JKAMP: variants seen among roughly 807,000 people sequenced by gnomAD.
JKAMP encodes the protein JNK1/MAPK8-associated membrane protein.
In JKAMP, 20 loss-of-function variants were observed where a neutral mutation model predicts 40.2. That is an observed-to-expected ratio of 0.50 (90% confidence interval 0.35 to 0.72). The LOEUF (loss-of-function observed/expected upper bound fraction) is 0.72, where lower values mean the gene tolerates loss of function less well. Ranked by LOEUF, JKAMP falls within the 30% of genes least tolerant of loss-of-function variation. JKAMP has a pLI of 0.01. For missense variants in JKAMP, 276 were observed against 373.0 expected, an observed-to-expected ratio of 0.74 and a Z score of 2.14; for synonymous variants, 138 against 131.6, an observed-to-expected ratio of 1.05 and a Z score of -0.33.
intron 5 of JKAMP, among the ~76,000 whole-genome samples, chr14:59,500,259 A>G (rs530885160): frequency 1.3e-5 from 2 of 152,340 alleles, no homozygotes; most frequent in South Asian, 2.1e-4. Context: ...TCAGGCCTGT[A>G]TAGATAATTC....
At position 59,496,395 on chromosome 14, in the gene JKAMP, C is replaced by T. The variant is rs74446132; in HGVS notation, c.458+1171C>T. On this transcript the variant is annotated intron_variant, in intron 4 of 6. Transcript: ENST00000616435. ...TCTCCTAAGGCCTTGCATAACTTAA[C>T]GTGGTCCTATTTGGAAAACTTAATA... Among the ~76,000 whole-genome samples, 595 of 151,760 alleles carry T rather than the reference C, an allele frequency of 3.9e-3. 3 individuals carry two copies. The highest frequency in any genetic ancestry group is 0.013 in the African/African-American group (556 of 41,432).
At chr14:59,499,903 T>G (rs191096369) in intron 5 of JKAMP, among the ~76,000 whole-genome samples, 2 of 152,334 alleles carry the variant, frequency 1.3e-5, no homozygotes, top group Admixed American at 1.3e-4. Context: ...CCCTTATACC[T>G]TCCTGGCTAC....
intron 6 of JKAMP, among the ~76,000 whole-genome samples, chr14:59,502,763 T>G (rs1190998279): frequency 7.5e-6 from 1 of 134,166 alleles, no homozygotes; most frequent in African/African-American, 2.8e-5. Context: ...TTTTTTTTTT[T>G]TTTTTTTTTT....
At chr14:59,488,236 T>C (rs944282036) in intron 3 of JKAMP, among the ~76,000 whole-genome samples, 1 of 152,032 alleles carries the variant, frequency 6.6e-6, no homozygotes. Flanking sequence ...TATTAACATA[T>C]TAAATCAGCA....
intron 3 of JKAMP, among the ~76,000 whole-genome samples, chr14:59,491,651 C>A (rs1271899841): frequency 6.6e-6 from 1 of 152,216 alleles, no homozygotes; most frequent in Non-Finnish European, 1.5e-5. Context: ...CATGAAATAA[C>A]TAAAGTCTGG....
intron 6 of JKAMP, among the ~76,000 whole-genome samples, chr14:59,502,763 T>TTGTTTTGTTTTG (rs1566584009): frequency 3.0e-5 from 4 of 134,120 alleles, no homozygotes; most frequent in Admixed American, 7.5e-5. Context: ...TTTTTTTTTT[T>TTGTTTTGTTTTG]TTTTTTTTTT....
intron 2 of JKAMP, chr14:59,487,157 T>C (rs1890645943): frequency 6.0e-6 from 1 of 165,604 alleles, no homozygotes; most frequent in Non-Finnish European, 1.3e-5. Flanking sequence ...GAGCCAAGAT[T>C]GCACCACTGC....
At chr14:59,497,560 G>C (rs1284545145) in intron 4 of JKAMP, among the ~76,000 whole-genome samples, 1 of 152,164 alleles carries the variant, frequency 6.6e-6, no homozygotes, top group Non-Finnish European at 1.5e-5. Flanking sequence ...CTGTTGATAA[G>C]AGGTAGCAAA....
intron 6 of JKAMP, among the ~76,000 whole-genome samples, chr14:59,501,945 C>T (rs1288473111): frequency 6.6e-6 from 1 of 152,026 alleles, no homozygotes; most frequent in Admixed American, 6.6e-5. Context: ...CATTTGTAGT[C>T]ACTGGGTAGA....
At chr14:59,493,869 A>G (rs1342185370) in intron 3 of JKAMP, among the ~76,000 whole-genome samples, 1 of 152,232 alleles carries the variant, frequency 6.6e-6, no homozygotes, top group Non-Finnish European at 1.5e-5. Flanking sequence ...CTCAAGAAAC[A>G]GAATAGAGAC....
At chr14:59,484,960 A>G (rs1319176234) in intron 1 of JKAMP, 1 of 1,528,362 alleles carries the variant, frequency 6.5e-7, no homozygotes, top group African/African-American at 1.4e-5. Flanking sequence ...TTGCTGCATA[A>G]TTTGTCTACT....
intron 5 of JKAMP, 34 bp from the exon 6 acceptor site, chr14:59,501,156 TC>T (rs1891848569): frequency 6.0e-6 from 8 of 1,325,156 alleles, no homozygotes; most frequent in Non-Finnish European, 8.5e-6. Context: ...AAAATTTGTT[TC>T]ATTTCCAACA....
Position 59,495,074 on chromosome 14 carries a change from T to C in JKAMP, c.308T>C (p.Ile103Thr), listed in dbSNP as rs372522012. 6.2e-7 allele frequency: 1 copy of C among 1,613,966 alleles called. No individual in the cohort carries two copies. The change falls in exon 4 of 7, where the codon ATT (isoleucine) becomes ACT (threonine). Residue 103 changes from isoleucine (I) to threonine (T), a missense_variant. Transcript: ENST00000616435. ...TALFECSMAA[I>T]ITLLVSDPVG... ...TTATTTGAATGCAGCATGGCAGCTATTATCACCTTACTTGTGAGTGATCCA... is the reference window on the plus strand; with the variant it reads ...TTATTTGAATGCAGCATGGCAGCTACTATCACCTTACTTGTGAGTGATCCA...
rs980050821 is a variant in JKAMP at position 59,484,522 on chromosome 14, C to G, written c.-68C>G. 13 of 1,548,766 alleles carry G rather than the reference C, an allele frequency of 8.4e-6. No homozygotes were observed. The highest frequency in any genetic ancestry group is 1.0e-5 in the Non-Finnish European group (12 of 1,143,458). On this transcript the variant is annotated 5_prime_UTR_variant, in exon 1 of 7. Coordinates refer to ENST00000616435, the MANE Select transcript of JKAMP (RefSeq NM_016475.5). ...GCGGAGCCGCCGAGCTCGCTGTGGC[C>G]CGGATGTTCGGTGCAGCTGCCAGAT...
chr14:59,502,761 T>G (rs112710229), intron 6 of JKAMP, among the ~76,000 whole-genome samples: 8 of 45,272 alleles, frequency 1.8e-4, no homozygotes, highest in South Asian at 7.9e-4. Context: ...TTTTTTTTTT[T>G]TTTTTTTTTT....
At chr14:59,502,750 A>ATTTTTGTTTTTTTTTTTTTGTTTTTGT (rs1555339682) in intron 6 of JKAMP, among the ~76,000 whole-genome samples, 1 of 4,908 alleles carries the variant, frequency 2.0e-4, no homozygotes, top group African/African-American at 3.5e-4. Context: ...ATAAAATGAG[A>ATTTTTGTTTTTTTTTTTTTGTTTTTGT]TTTTTTTTTT....
intron 4 of JKAMP, among the ~76,000 whole-genome samples, chr14:59,497,926 A>C (rs1390839171): frequency 6.6e-6 from 1 of 152,202 alleles, no homozygotes; most frequent in Non-Finnish European, 1.5e-5. Flanking sequence ...AAGATAGTAA[A>C]AATGATTTGA....
chr14:59,501,024 T>C, intron 5 of JKAMP, 167 bp from the exon 6 acceptor site: 1 of 563,568 alleles, frequency 1.8e-6, no homozygotes, highest in South Asian at 2.3e-5. Context: ...TCTTGCCCTT[T>C]CCAGAAAAAG....
intron 3 of JKAMP, among the ~76,000 whole-genome samples, chr14:59,494,001 C>T (rs1891231487): frequency 6.6e-6 from 1 of 152,048 alleles, no homozygotes; most frequent in Non-Finnish European, 1.5e-5. Flanking sequence ...GGACAACTGG[C>T]AATTCAAATG....
Sources: allele counts gnomAD v4.1 joint callset (sites outside exome capture counted in the v4.1 genomes callset), GRCh38; gene constraint gnomAD v4.1.1; transcripts MANE v1.5; gene names NCBI Gene and HGNC (gene_info 2026-07-23, HGNC 2026-07-21).